Variants in FRS2 observed in about 807,000 individuals in gnomAD.
FRS2 encodes the protein fibroblast growth factor receptor substrate 2.
A neutral mutation model predicts 43.9 loss-of-function variants in FRS2; 8 were observed. That is an observed-to-expected ratio of 0.18 (90% CI 0.11 to 0.33). The LOEUF (loss-of-function observed/expected upper bound fraction) is 0.33. Ranked by LOEUF, FRS2 falls within the 10% of genes least tolerant of loss-of-function variation. The pLI is 1.00. For missense variants in FRS2, 534 were observed against 627.6 expected, an observed-to-expected ratio of 0.85 and a Z score of 1.59; for synonymous variants, 219 against 220.3, an observed-to-expected ratio of 0.99 and a Z score of 0.05.
chr12:69,491,445 C>G (rs946185009), intron 1 of FRS2: 2 of 150,086 alleles, frequency 1.3e-5, no homozygotes, highest in Admixed American at 6.7e-5. Context: ...ACGGAATGTA[C>G]TATAAATTCC....
intron 3 of FRS2, among the ~76,000 whole-genome samples, chr12:69,558,040 T>A (rs1281563392): frequency 1.3e-5 from 2 of 152,188 alleles, no homozygotes; most frequent in Admixed American, 1.3e-4. Context: ...ATATATATAT[T>A]GTTGGATTTC....
chr12:69,575,144 C>T lies in FRS2; in HGVS notation c.*189C>T. The T allele has an allele frequency of 1.8e-6, 1 of 558,124 alleles. No individual in the cohort carries two copies. Among genetic ancestry groups the T allele is most frequent in the Non-Finnish European group, 3.2e-6 (1 of 316,064 alleles). 34.6% of individuals were successfully genotyped at this position (558,124 alleles called of 1,614,324 possible). On this transcript the variant is annotated 3_prime_UTR_variant, in exon 9 of 9. Coordinates refer to ENST00000549921, the MANE Select transcript of FRS2 (RefSeq NM_001278356.2). ...GGTACTCCTTAAAGAACACTAATTTCATTATATACTACTCGTTGTACAGCA... is the reference window on the plus strand; with the variant it reads ...GGTACTCCTTAAAGAACACTAATTTTATTATATACTACTCGTTGTACAGCA...
chr12:69,560,392 G>A (rs1001534440), intron 3 of FRS2, among the ~76,000 whole-genome samples: 1 of 152,216 alleles, frequency 6.6e-6, no homozygotes, highest in Non-Finnish European at 1.5e-5. Context: ...TCAAAGGCAT[G>A]CAGCATTGTA....
chr12:69,474,352 A>G (rs1870573872), intron 1 of FRS2, among the ~76,000 whole-genome samples: 1 of 152,196 alleles, frequency 6.6e-6, no homozygotes, highest in Non-Finnish European at 1.5e-5. Flanking sequence ...GGGTTTAGTG[A>G]ATAATACAAA....
At chr12:69,548,803 G>C (rs11177712) in intron 3 of FRS2, among the ~76,000 whole-genome samples, 3,246 of 152,284 alleles carry the variant, frequency 0.021, 106 homozygotes, top group African/African-American at 0.074. Flanking sequence ...ACAGAGAGAA[G>C]AAGTGGTTAC....
intron 1 of FRS2, among the ~76,000 whole-genome samples, chr12:69,527,445 A>G (rs894754454): frequency 1.2e-4 from 17 of 146,512 alleles, no homozygotes; most frequent in African/African-American, 4.3e-4. Context: ...CAGCCTCCCA[A>G]GTAACTGGGA....
chr12:69,541,436 G>A (rs963266233), intron 3 of FRS2, among the ~76,000 whole-genome samples: 6 of 152,054 alleles, frequency 3.9e-5, no homozygotes, highest in South Asian at 2.1e-4. Context: ...TGAAGGAAGC[G>A]TGTGTATGTG....
intron 1 of FRS2, among the ~76,000 whole-genome samples, chr12:69,528,892 A>G (rs1876520181): frequency 1.3e-5 from 2 of 152,224 alleles, no homozygotes. Context: ...AGAGGGAAAA[A>G]CAAGTCCTGA....
chr12:69,521,828 A>G (rs1875685061), intron 1 of FRS2, among the ~76,000 whole-genome samples: 1 of 152,012 alleles, frequency 6.6e-6, no homozygotes, highest in South Asian at 2.1e-4. Context: ...GTTAGCCAGG[A>G]TGGTCTCGAT....
chr12:69,526,351 T>G (rs975917071), intron 1 of FRS2, among the ~76,000 whole-genome samples: 1 of 152,276 alleles, frequency 6.6e-6, no homozygotes, highest in Non-Finnish European at 1.5e-5. Context: ...GGAATTACTT[T>G]GATTTTCATT....
At chr12:69,555,880 T>C (rs1485362568) in intron 3 of FRS2, among the ~76,000 whole-genome samples, 1 of 152,206 alleles carries the variant, frequency 6.6e-6, no homozygotes, top group African/African-American at 2.4e-5. Context: ...TTTGAGAATA[T>C]ATTTAACAAT....
At chr12:69,560,965 G>C (rs950666375) in intron 3 of FRS2, among the ~76,000 whole-genome samples, 4 of 152,108 alleles carry the variant, frequency 2.6e-5, no homozygotes, top group Non-Finnish European at 4.4e-5. Flanking sequence ...TGCAGGATAA[G>C]GGTTGCAGAA....
intron 1 of FRS2, among the ~76,000 whole-genome samples, chr12:69,492,571 A>T (rs1488191539): frequency 6.6e-6 from 1 of 152,180 alleles, no homozygotes; most frequent in Non-Finnish European, 1.5e-5. Context: ...TCCTTTTTTT[A>T]AAAATCTCAT....
At position 69,574,764 on chromosome 12, in the gene FRS2, G is replaced by GT; in HGVS notation, c.1336_1337insT (p.Asp446ValfsTer3). The GT allele has an allele frequency of 6.2e-7, 1 of 1,614,154 alleles. No individual in the cohort carries two copies. Among genetic ancestry groups the GT allele is most frequent in the Non-Finnish European group, 8.5e-7 (1 of 1,180,030 alleles). On this transcript the variant is annotated frameshift_variant, in exon 9 of 9. Coordinates refer to ENST00000549921, the MANE Select transcript of FRS2 (RefSeq NM_001278356.2). LOFTEE classifies it high-confidence loss of function. ...ACAGGTTGACTTGGAAGGTGGCAGT[G>GT]ACTCTGACAACCCTCAGACTCCAAA...
chr12:69,568,791 T>C (rs1880508765), intron 4 of FRS2, among the ~76,000 whole-genome samples: 1 of 152,202 alleles, frequency 6.6e-6, no homozygotes, highest in Non-Finnish European at 1.5e-5. Context: ...GAGATTTGTT[T>C]GACATTATTA....
At chr12:69,489,225 C>G (rs907187658) in intron 1 of FRS2, among the ~76,000 whole-genome samples, 7 of 152,066 alleles carry the variant, frequency 4.6e-5, no homozygotes. Flanking sequence ...TTTACCCAGT[C>G]AATAGGTAAT....
chr12:69,481,261 A>G lies in FRS2; in HGVS notation c.-261+10731A>G, dbSNP rs1423574832. On this transcript the variant is annotated intron_variant, in intron 1 of 8. Transcript: ENST00000549921. ...CTCTTAAGATAATCACAGTACCATC[A>G]TGAAAGTCCAAATTCCAGAATTTTT... Among the ~76,000 whole-genome samples, 4 of 150,194 alleles carry G rather than the reference A, an allele frequency of 2.7e-5. 1 individual carries two copies. The Admixed American group carries it at 2.7e-4, about 10-fold the overall frequency.
At chr12:69,525,476 A>G (rs1565747021) in intron 1 of FRS2, among the ~76,000 whole-genome samples, 2 of 152,178 alleles carry the variant, frequency 1.3e-5, no homozygotes, top group South Asian at 2.1e-4. Context: ...ATAACCCCCA[A>G]CATTGATTTC....
intron 1 of FRS2, among the ~76,000 whole-genome samples, chr12:69,483,404 GA>G (rs1179487456): frequency 1.3e-5 from 2 of 152,150 alleles, no homozygotes; most frequent in Non-Finnish European, 2.9e-5. Flanking sequence ...AATGTTGCGT[GA>G]AGTCATGTAG....
Sources: gnomAD v4.1 joint callset for allele counts (sites outside exome capture counted in the v4.1 genomes callset) on GRCh38, gnomAD v4.1.1 for gene constraint, MANE v1.5 for transcripts, NCBI Gene and HGNC (gene_info 2026-07-23, HGNC 2026-07-21) for gene names.